The following SCN8A variants were observed in gnomAD, a reference collection of about 807,000 sequenced individuals.
SCN8A encodes sodium channel protein type 8 subunit alpha.
In SCN8A, 30 loss-of-function variants were observed where a neutral mutation model predicts 184.1. The observed-to-expected ratio is 0.16, with a 90% CI of 0.12 to 0.22. The LOEUF is 0.22. Ranked by LOEUF, SCN8A falls within the 10% of genes least tolerant of loss-of-function variation. The pLI, the probability that SCN8A is intolerant of heterozygous loss-of-function variation, is 1.00. For missense variants in SCN8A, 1,057 were observed against 2,498.9 expected, an observed-to-expected ratio of 0.42 and a Z score of 12.30; for synonymous variants, 852 against 907.0, an observed-to-expected ratio of 0.94 and a Z score of 1.09.
chr12:51,663,047 T>C lies in SCN8A; in HGVS notation c.230T>C (p.Val77Ala), dbSNP rs773094980. Residue 77 changes from valine to alanine, a missense_variant, in exon 2 of 27, where the codon GTT becomes GCT. Val to Ala is a moderately conservative substitution (Grantham distance 64). This residue lies in a region of SCN8A where 66 missense variants were observed against 276.4 expected (regional missense o/e 0.24). Coordinates refer to ENST00000627620, the MANE Select transcript of SCN8A (RefSeq NM_001330260.2). ...TACGGGGACATCCCCCAAGGCCTGG[T>C]TGCAGTTCCCCTGGAGGACTTTGAC... Reference protein sequence around the residue: ...FIYGDIPQGLVAVPLEDFDPY... With the variant: ...FIYGDIPQGLAAVPLEDFDPY... 6.2e-7 allele frequency: 1 copy of C among 1,614,024 alleles called. No individual in the cohort carries two copies. The highest frequency in any genetic ancestry group is 1.1e-5 in the South Asian group (1 of 91,090).
At chr12:51,715,564 AG>A (rs1941950893) in intron 11 of SCN8A, among the ~76,000 whole-genome samples, 1 of 149,068 alleles carries the variant, frequency 6.7e-6, no homozygotes, top group Non-Finnish European at 1.5e-5. Context: ...AGGCTGAGGC[AG>A]GAGAATAGCT....
At chr12:51,607,926 G>A (rs891338234) in intron 1 of SCN8A, among the ~76,000 whole-genome samples, 6 of 151,810 alleles carry the variant, frequency 4.0e-5, no homozygotes, top group African/African-American at 1.5e-4. Flanking sequence ...TGGTATTAGG[G>A]TGATGCTGGC....
chr12:51,772,668 T>G (rs1012449623), intron 19 of SCN8A, among the ~76,000 whole-genome samples: 20 of 151,812 alleles, frequency 1.3e-4, no homozygotes, highest in Non-Finnish European at 1.6e-4. Context: ...CCATGACCCC[T>G]GTCCCCCCCA....
At chr12:51,668,623 C>T (rs1157682849) in intron 2 of SCN8A, among the ~76,000 whole-genome samples, 2 of 152,094 alleles carry the variant, frequency 1.3e-5, no homozygotes, top group Non-Finnish European at 2.9e-5. Flanking sequence ...AAGAGCAGTG[C>T]TTCTGGGGGA....
intron 1 of SCN8A, among the ~76,000 whole-genome samples, chr12:51,607,238 G>C (rs1939614831): frequency 6.6e-6 from 1 of 152,038 alleles, no homozygotes. Context: ...GGTTGCTGTT[G>C]GTGTATAGAA....
intron 11 of SCN8A, 85 bp from the exon 12 acceptor site, chr12:51,721,461 G>T (rs943536608): frequency 1.4e-4 from 191 of 1,414,758 alleles, no homozygotes; most frequent in Non-Finnish European, 1.7e-4. Context: ...GGCCGGCTGG[G>T]AACCTAACCA....
intron 22 of SCN8A, among the ~76,000 whole-genome samples, chr12:51,788,268 A>G (rs167337): frequency 0.86 from 124,380 of 144,990 alleles, 53,565 homozygotes; most frequent in East Asian, 0.98. Context: ...GAGTTTTTCC[A>G]ACCCCCATCG....
At chr12:51,636,095 C>T (rs189947414) in intron 1 of SCN8A, among the ~76,000 whole-genome samples, 85 of 152,188 alleles carry the variant, frequency 5.6e-4, no homozygotes, top group African/African-American at 2.0e-3. Flanking sequence ...CCTAGGTTCA[C>T]GCCATTCTCC....
chr12:51,654,769 C>T (rs1278343083), intron 1 of SCN8A, among the ~76,000 whole-genome samples: 1 of 152,146 alleles, frequency 6.6e-6, no homozygotes, highest in African/African-American at 2.4e-5. Context: ...GCTTTGGCCT[C>T]CCAAAATGCT....
chr12:51,595,343 G>A (rs1939323271), intron 1 of SCN8A, among the ~76,000 whole-genome samples: 1 of 152,182 alleles, frequency 6.6e-6, no homozygotes, highest in South Asian at 2.1e-4. Context: ...AGTAAATGCA[G>A]TCAAAAGACA....
Position 51,770,509 on chromosome 12 carries a change from G to A in SCN8A, c.3491-20G>A, listed in dbSNP as rs570424572. On this transcript the variant is annotated intron_variant, in intron 18 of 26. Transcript: ENST00000627620. ...GGGGCACGTTTCCACGGTCTGACCC[G>A]CCTCTCCCGCTGGTGCCAGGTTGTG... 28 of 1,567,256 alleles carry A rather than the reference G, an allele frequency of 1.8e-5. No homozygotes were observed. In the South Asian group the frequency reaches 1.9e-4, roughly 11 times the overall value.
chr12:51,723,847 TAAA>T (rs34404145), intron 12 of SCN8A, among the ~76,000 whole-genome samples: 1 of 148,974 alleles, frequency 6.7e-6, no homozygotes. Context: ...GACTCCATCT[TAAA>T]AAAAAAAAAA....
chr12:51,688,697 C>A, intron 5 of SCN8A: 1 of 1,187,744 alleles, frequency 8.4e-7, no homozygotes. Flanking sequence ...CTTTCTTCCC[C>A]CCATTCTCAA....
rs368023390 is a variant in SCN8A, at chr12:51,811,704, ACTCT to A, written c.*4279_*4282del. ...AGGCCATGTCTCCTGGTTCAGGAAC[ACTCT>A]CTCAGGAGGATCTCGAAGTGCCCAC... On this transcript the variant is annotated 3_prime_UTR_variant, in exon 27 of 27. Coordinates refer to ENST00000627620, the MANE Select transcript of SCN8A (RefSeq NM_001330260.2). 2 of 151,680 alleles carry A rather than the reference ACTCT, an allele frequency of 1.3e-5. No individual in the cohort carries two copies. Among genetic ancestry groups the A allele is most frequent in the Non-Finnish European group, 2.9e-5 (2 of 67,996 alleles). 9.4% of individuals were successfully genotyped at this position (151,680 alleles called of 1,614,324 possible).
chr12:51,750,533 G>T (rs573951703), intron 13 of SCN8A, among the ~76,000 whole-genome samples: 1 of 152,148 alleles, frequency 6.6e-6, no homozygotes, highest in Non-Finnish European at 1.5e-5. Flanking sequence ...ACTCAACCAT[G>T]AGCTGTAAAC....
intron 1 of SCN8A, among the ~76,000 whole-genome samples, chr12:51,645,957 A>ATAAT (rs1555212637): frequency 0.047 from 1,072 of 22,644 alleles, 19 homozygotes; most frequent in Middle Eastern, 0.081. Context: ...AATTAAAAAA[A>ATAAT]AAAAAAAATA....
intron 19 of SCN8A, among the ~76,000 whole-genome samples, chr12:51,773,010 G>A (rs555435505): frequency 3.3e-5 from 5 of 152,040 alleles, no homozygotes; most frequent in Non-Finnish European, 7.4e-5. Flanking sequence ...CCAGCTACTC[G>A]GAAGGCTGAG....
At chr12:51,709,664 C>T (rs992996722) in intron 11 of SCN8A, among the ~76,000 whole-genome samples, 1 of 152,014 alleles carries the variant, frequency 6.6e-6, no homozygotes, top group African/African-American at 2.4e-5. Flanking sequence ...TGAGTATAGA[C>T]TTCTCATCCC....
At chr12:51,736,890 C>T (rs1025925593) in intron 12 of SCN8A, among the ~76,000 whole-genome samples, 2 of 152,300 alleles carry the variant, frequency 1.3e-5, no homozygotes, top group Admixed American at 6.5e-5. Flanking sequence ...AAGTATAGGG[C>T]GTCTGAAAAA....
Sources: allele counts gnomAD v4.1 joint callset (sites outside exome capture counted in the v4.1 genomes callset), GRCh38; gene constraint gnomAD v4.1.1; regional missense constraint gnomAD v4.1.1; transcripts MANE v1.5; gene names NCBI Gene and HGNC (gene_info 2026-07-23, HGNC 2026-07-21).